ZNRF3: variants seen among roughly 807,000 people sequenced by gnomAD.
ZNRF3 encodes the protein zinc and ring finger 3, also known as E3 ubiquitin-protein ligase ZNRF3.
ZNRF3 carries 23 observed loss-of-function variants against 72.5 expected under a neutral mutation model. That is an observed-to-expected ratio of 0.32 (90% CI 0.23 to 0.45). ZNRF3 has a LOEUF of 0.45. Among genes scored for constraint, ZNRF3 ranks in the 20% least tolerant of loss-of-function variants. The pLI is 1.00. For synonymous variants in ZNRF3, 610 were observed against 545.3 expected (o/e 1.12, Z -1.65); for missense variants, 1,169 against 1,272.1 (o/e 0.92, Z 1.23).
At chr22:28,945,896 T>C (rs2123791020) in intron 1 of ZNRF3, among the ~76,000 whole-genome samples, 1 of 152,332 alleles carries the variant, frequency 6.6e-6, no homozygotes, top group South Asian at 2.1e-4. Flanking sequence ...ATCCACAATC[T>C]GTCTCTTTGG....
At chr22:28,939,365 A>G (rs1051855368) in intron 1 of ZNRF3, among the ~76,000 whole-genome samples, 15 of 152,152 alleles carry the variant, frequency 9.9e-5, no homozygotes, top group African/African-American at 3.4e-4. Flanking sequence ...TATAAGAAGT[A>G]GCTATTGTTG....
At chr22:28,993,499 G>A (rs1181601235) in intron 2 of ZNRF3, among the ~76,000 whole-genome samples, 2 of 152,106 alleles carry the variant, frequency 1.3e-5, no homozygotes, top group African/African-American at 2.4e-5. Context: ...ACTAACCCAC[G>A]TCCAGCCCTC....
Position 29,040,887 on chromosome 22 carries a change from A to G in ZNRF3, c.427-1608A>G, listed in dbSNP as rs191657185. ...TGCCCTCTAGTGGGCCAGTGGAGCT[A>G]TTGGTCTAGCTGTGTTCTGGGCAAC... On this transcript the variant is annotated intron_variant, in intron 2 of 8. Transcript: ENST00000544604. Among the ~76,000 whole-genome samples the G allele has an allele frequency of 7.2e-5, 11 of 152,290 alleles. No homozygotes were observed. In the East Asian group the frequency reaches 2.1e-3, roughly 29 times the overall value.
At chr22:29,015,435 C>T (rs981355941) in intron 2 of ZNRF3, among the ~76,000 whole-genome samples, 1 of 152,100 alleles carries the variant, frequency 6.6e-6, no homozygotes, top group African/African-American at 2.4e-5. Context: ...TTTGGGAGGC[C>T]AAGGTGGGCA....
At chr22:28,898,014 C>T (rs1252342037) in intron 1 of ZNRF3, among the ~76,000 whole-genome samples, 1 of 152,136 alleles carries the variant, frequency 6.6e-6, no homozygotes, top group Non-Finnish European at 1.5e-5. Flanking sequence ...ACGATCTCAT[C>T]TCACTGCAAC....
chr22:28,977,855 A>G (rs1250897805), intron 1 of ZNRF3, among the ~76,000 whole-genome samples: 2 of 152,206 alleles, frequency 1.3e-5, no homozygotes, highest in Non-Finnish European at 2.9e-5. Flanking sequence ...GTGCACCAGT[A>G]TATCTCAAGG....
chr22:28,916,710 T>C (rs1477216586), intron 1 of ZNRF3, among the ~76,000 whole-genome samples: 1 of 152,150 alleles, frequency 6.6e-6, no homozygotes, highest in Non-Finnish European at 1.5e-5. Context: ...CAGCTTGGGG[T>C]TTAGGGATTA....
intron 6 of ZNRF3, 133 bp downstream of exon 6, chr22:29,047,016 C>A: frequency 1.1e-6 from 1 of 891,120 alleles, no homozygotes; most frequent in South Asian, 3.8e-5. Context: ...TCTGAAAATT[C>A]TGAGACTTGA....
At chr22:29,031,529 A>G in intron 2 of ZNRF3, 21 of 961,162 alleles carry the variant, frequency 2.2e-5, no homozygotes, top group Non-Finnish European at 2.6e-5. Context: ...GCAGTGACTC[A>G]TGCTTCAGAG....
rs543683786 is a variant in ZNRF3, at chr22:29,054,218, G to A, written c.*596G>A. 1 of 152,506 alleles carries A rather than the reference G, an allele frequency of 6.6e-6. No individual in the cohort carries two copies. Among genetic ancestry groups the A allele is most frequent in the Non-Finnish European group, 1.5e-5 (1 of 68,200 alleles). 9.4% of individuals were successfully genotyped at this position (152,506 alleles called of 1,614,324 possible). A position where few individuals can be genotyped will look rare whatever the true frequency, so the allele number is the denominator to read the frequency against. Reference sequence around the variant, plus strand: ...TTTCTTTCTCGTGGCAAATCCCAATGTACACGATTTCAGGTCTCAGACGCC... The same window carrying A: ...TTTCTTTCTCGTGGCAAATCCCAATATACACGATTTCAGGTCTCAGACGCC... On this transcript the variant is annotated 3_prime_UTR_variant, in exon 9 of 9. Transcript: ENST00000544604.
chr22:29,021,722 A>C (rs1408531567), intron 2 of ZNRF3, among the ~76,000 whole-genome samples: 4 of 151,842 alleles, frequency 2.6e-5, no homozygotes, highest in Admixed American at 2.0e-4. Context: ...TCCTGACCTC[A>C]AATGACCCAC....
chr22:28,955,756 TAAA>T (rs879724130), intron 1 of ZNRF3, among the ~76,000 whole-genome samples: 2 of 138,990 alleles, frequency 1.4e-5, no homozygotes, highest in African/African-American at 2.6e-5. Context: ...CTGTCTCTAT[TAAA>T]AAAAAAAAAA....
chr22:29,029,688 A>G (rs2036709303), intron 2 of ZNRF3, among the ~76,000 whole-genome samples: 1 of 151,946 alleles, frequency 6.6e-6, no homozygotes, highest in South Asian at 2.1e-4. Flanking sequence ...CCTGGGCTCG[A>G]GTTTTTTTGT....
intron 2 of ZNRF3, among the ~76,000 whole-genome samples, chr22:28,989,377 C>G (rs1197071976): frequency 6.6e-6 from 1 of 152,130 alleles, no homozygotes; most frequent in African/African-American, 2.4e-5. Context: ...CTCCTGCCGC[C>G]CCTCTTTCTC....
At position 29,030,965 on chromosome 22, in the gene ZNRF3, G is replaced by T. The variant is rs1009982472; in HGVS notation, c.427-11530G>T. 2 of 152,386 alleles carry T rather than the reference G, an allele frequency of 1.3e-5. No individual in the cohort carries two copies. Among genetic ancestry groups the T allele is most frequent in the African/African-American group, 4.8e-5 (2 of 41,452 alleles). 9.4% of individuals were successfully genotyped at this position (152,386 alleles called of 1,614,324 possible). On this transcript the variant is annotated intron_variant, in intron 2 of 8. Transcript: ENST00000544604. The surrounding 1 kb of genome is among the most constrained non-coding windows in gnomAD (Gnocchi z 4.2). ...CTGGAGCGAGGAGCCGGCGGGTGGA[G>T]CTGGCAGCACTGCGCCACCCACCCT... is the stretch of plus-strand genomic sequence containing the variant.
At chr22:28,890,925 T>C (rs2033874657) in intron 1 of ZNRF3, among the ~76,000 whole-genome samples, 1 of 152,086 alleles carries the variant, frequency 6.6e-6, no homozygotes, top group African/African-American at 2.4e-5. Context: ...ACCGAGCTAA[T>C]TTTTTATTTT....
At chr22:28,994,880 G>C (rs2123836124) in intron 2 of ZNRF3, among the ~76,000 whole-genome samples, 1 of 152,232 alleles carries the variant, frequency 6.6e-6, no homozygotes, top group South Asian at 2.1e-4. Context: ...GAAAGAAGTG[G>C]GTGACTGATG....
At chr22:28,918,675 T>A (rs905958240) in intron 1 of ZNRF3, among the ~76,000 whole-genome samples, 6 of 152,130 alleles carry the variant, frequency 3.9e-5, no homozygotes, top group African/African-American at 1.4e-4. Context: ...TTGAAGGCAC[T>A]TTTCCCTAGG....
chr22:28,996,287 C>T (rs2036044611), intron 2 of ZNRF3, among the ~76,000 whole-genome samples: 1 of 152,162 alleles, frequency 6.6e-6, no homozygotes, highest in African/African-American at 2.4e-5. Flanking sequence ...CACTCTTATT[C>T]TCTCACAAAT....
Sources: allele counts gnomAD v4.1 joint callset (sites outside exome capture counted in the v4.1 genomes callset), GRCh38; gene constraint gnomAD v4.1.1; non-coding constraint Gnocchi (gnomAD v3.1); transcripts MANE v1.5; gene names NCBI Gene and HGNC (gene_info 2026-07-23, HGNC 2026-07-21).